The following CAPN8 variants were observed in gnomAD, a reference collection of about 807,000 sequenced individuals.
CAPN8 encodes the protein calpain-8.
In CAPN8, 87 loss-of-function variants were observed where a neutral mutation model predicts 80.9. The ratio of observed to expected loss-of-function variants is 1.07; its 90% CI spans 0.90 to 1.28. CAPN8 has a LOEUF of 1.28. CAPN8 is among the 50% of genes most tolerant of loss of function. The probability of loss-of-function intolerance (pLI) is 0.00; values close to 1 mark genes in which losing one functional copy is unlikely to be tolerated. For missense variants in CAPN8, 757 were observed against 702.0 expected, an observed-to-expected ratio of 1.08 and a Z score of -0.89; for synonymous variants, 299 against 273.8, an observed-to-expected ratio of 1.09 and a Z score of -0.91.
chr1:223,615,589 C>T (rs149660128), intron 10 of CAPN8, among the ~76,000 whole-genome samples: 2 of 152,334 alleles, frequency 1.3e-5, no homozygotes, highest in East Asian at 3.9e-4. Context: ...AGCCTCCTTC[C>T]CTGACTCAGT....
At chr1:223,637,671 C>A (rs1657939405) in intron 2 of CAPN8, among the ~76,000 whole-genome samples, 1 of 152,182 alleles carries the variant, frequency 6.6e-6, no homozygotes. Context: ...TGTATGCCAT[C>A]ATCACTCACC....
In CAPN8 at chr1:223,550,273, C is replaced by T. The variant is rs558197035; in HGVS notation, c.1699+687G>A. The stretch of plus-strand genomic sequence containing the variant: ...CATCTGCTCAGCCCTGGGTTCGTCC[C>T]TGGGAAGGGTATGACTTGGCTCCTG... On this transcript the variant is annotated intron_variant, in intron 15 of 20. Coordinates refer to ENST00000366872, the MANE Select transcript of CAPN8 (RefSeq NM_001143962.2). 3.9e-5 allele frequency among the ~76,000 whole-genome samples: 6 copies of T among 152,356 alleles called. No individual in the cohort carries two copies. The South Asian group carries it at 1.0e-3, about 26-fold the overall frequency.
At chr1:223,553,223 C>T (rs1656836255) in intron 14 of CAPN8, among the ~76,000 whole-genome samples, 1 of 152,090 alleles carries the variant, frequency 6.6e-6, no homozygotes. Flanking sequence ...ACTTGTGGCC[C>T]CCACCGGGCT....
chr1:223,647,368 G>A (rs1246744459), intron 2 of CAPN8, among the ~76,000 whole-genome samples: 1 of 152,164 alleles, frequency 6.6e-6, no homozygotes, highest in Non-Finnish European at 1.5e-5. Flanking sequence ...TTTATCCTAT[G>A]TAAAATGCAG....
At chr1:223,658,339 G>C (rs1273823828) in intron 1 of CAPN8, among the ~76,000 whole-genome samples, 3 of 152,164 alleles carry the variant, frequency 2.0e-5, no homozygotes, top group Admixed American at 2.0e-4. Context: ...AATTACAAGT[G>C]AAATATACAG....
chr1:223,655,084 G>A (rs1333528088), intron 1 of CAPN8, among the ~76,000 whole-genome samples: 2 of 151,974 alleles, frequency 1.3e-5, no homozygotes, highest in Non-Finnish European at 2.9e-5. Flanking sequence ...GAAAGGCAAA[G>A]GCTGAGATAA....
chr1:223,650,589 A>G (rs1363824139), intron 2 of CAPN8, among the ~76,000 whole-genome samples: 6 of 152,236 alleles, frequency 3.9e-5, no homozygotes, highest in Non-Finnish European at 1.5e-5. Flanking sequence ...GAAGAGAATG[A>G]AGCCAACCTG....
chr1:223,551,615 G>A (rs1053558363), intron 14 of CAPN8, among the ~76,000 whole-genome samples: 2 of 152,230 alleles, frequency 1.3e-5, no homozygotes, highest in African/African-American at 2.4e-5. Context: ...CTTGAACAGG[G>A]ATAAAGTAAC....
intron 2 of CAPN8, among the ~76,000 whole-genome samples, chr1:223,643,397 G>A (rs1658096968): frequency 6.6e-6 from 1 of 152,240 alleles, no homozygotes; most frequent in African/African-American, 2.4e-5. Flanking sequence ...CTAGCAAGAT[G>A]AGGGTGGTCT....
At chr1:223,635,298 G>A (rs946318152) in intron 2 of CAPN8, among the ~76,000 whole-genome samples, 6 of 152,078 alleles carry the variant, frequency 3.9e-5, no homozygotes, top group Non-Finnish European at 7.4e-5. Flanking sequence ...AGCCCTTGGC[G>A]TTTGATTCAT....
chr1:223,552,189 G>A (rs149858108), intron 14 of CAPN8, among the ~76,000 whole-genome samples: 3 of 152,258 alleles, frequency 2.0e-5, no homozygotes, highest in Non-Finnish European at 4.4e-5. Context: ...AATGAGAGAG[G>A]CAAGAGCTGC....
At chr1:223,547,017 G>T (rs190590337) in intron 16 of CAPN8, among the ~76,000 whole-genome samples, 7 of 152,128 alleles carry the variant, frequency 4.6e-5, no homozygotes, top group African/African-American at 1.7e-4. Context: ...AGGCTCAAGC[G>T]ATTCTCGTGC....
intron 7 of CAPN8, 131 bp from the exon 8 acceptor site, chr1:223,620,397 G>A: frequency 2.6e-6 from 2 of 768,444 alleles, no homozygotes; most frequent in Admixed American, 2.3e-5. Flanking sequence ...AGACAGAAAG[G>A]CAGAATGGAC....
At chr1:223,647,383 A>G (rs1658218201) in intron 2 of CAPN8, among the ~76,000 whole-genome samples, 1 of 152,238 alleles carries the variant, frequency 6.6e-6, no homozygotes, top group South Asian at 2.1e-4. Flanking sequence ...ATGCAGATTT[A>G]CTAAGCACAA....
At chr1:223,550,653 C>T (rs865782707) in intron 15 of CAPN8, among the ~76,000 whole-genome samples, 1 of 152,180 alleles carries the variant, frequency 6.6e-6, no homozygotes, top group Non-Finnish European at 1.5e-5. Flanking sequence ...TTAAGTCAAT[C>T]CCAGCCCAGC....
intron 5 of CAPN8, among the ~76,000 whole-genome samples, 178 bp downstream of exon 5, chr1:223,626,811 G>T (rs1257218616): frequency 6.6e-6 from 1 of 152,066 alleles, no homozygotes; most frequent in Admixed American, 6.6e-5. Context: ...CACTAATTAG[G>T]TCTTCACCAG....
chr1:223,624,908 C>T (rs867243061), intron 6 of CAPN8, among the ~76,000 whole-genome samples: 1 of 151,820 alleles, frequency 6.6e-6, no homozygotes, highest in Non-Finnish European at 1.5e-5. Context: ...TCCTGGCTGA[C>T]ACAGTGAAAC....
intron 2 of CAPN8, among the ~76,000 whole-genome samples, chr1:223,654,065 T>C (rs2102735642): frequency 6.6e-6 from 1 of 152,364 alleles, no homozygotes; most frequent in East Asian, 1.9e-4. Context: ...TCCTGGCTCC[T>C]TGCTCTAGCA....
At chr1:223,544,748 C>G (rs1356634126) in intron 18 of CAPN8, 24 bp downstream of exon 18, 2 of 1,551,390 alleles carry the variant, frequency 1.3e-6, no homozygotes, top group South Asian at 2.4e-5. Flanking sequence ...ATCCCAAGAC[C>G]CTGTCTACAG....
Sources: gnomAD v4.1 joint callset for allele counts (sites outside exome capture counted in the v4.1 genomes callset) on GRCh38, gnomAD v4.1.1 for gene constraint, MANE v1.5 for transcripts, NCBI Gene and HGNC (gene_info 2026-07-23, HGNC 2026-07-21) for gene names.